CTNND2: variants seen among roughly 807,000 people sequenced by gnomAD.
CTNND2 encodes the protein catenin delta-2.
CTNND2 carries 22 observed loss-of-function variants against 144.4 expected under a neutral mutation model. The ratio of observed to expected loss-of-function variants is 0.15; its 90% CI spans 0.11 to 0.22. CTNND2 has a LOEUF of 0.22. Ranked by LOEUF, CTNND2 falls within the 10% of genes least tolerant of loss-of-function variation. The pLI, the probability that CTNND2 is intolerant of heterozygous loss-of-function variation, is 1.00. For synonymous variants in CTNND2, 751 were observed against 695.6 expected, an observed-to-expected ratio of 1.08 and a Z score of -1.25; for missense variants, 1,353 against 1,618.8, an observed-to-expected ratio of 0.84 and a Z score of 2.82.
chr5:11,468,310 A>C (rs948555181), intron 3 of CTNND2, among the ~76,000 whole-genome samples: 9 of 152,234 alleles, frequency 5.9e-5, no homozygotes, highest in African/African-American at 1.9e-4. Flanking sequence ...GCAAGAGGAC[A>C]AAAGTGACTT....
intron 2 of CTNND2, among the ~76,000 whole-genome samples, chr5:11,649,523 G>A (rs1028196682): frequency 6.6e-6 from 1 of 151,992 alleles, no homozygotes; most frequent in Non-Finnish European, 1.5e-5. Flanking sequence ...CACCATGTTG[G>A]CCAGGCTGGT....
intron 3 of CTNND2, among the ~76,000 whole-genome samples, chr5:11,448,823 C>A (rs746771085): frequency 1.3e-5 from 2 of 151,746 alleles, no homozygotes; most frequent in Non-Finnish European, 2.9e-5. Context: ...CGTGCACCAC[C>A]AGGCCTGGCT....
intron 9 of CTNND2, among the ~76,000 whole-genome samples, chr5:11,239,427 A>G (rs1741983041): frequency 6.6e-6 from 1 of 152,156 alleles, no homozygotes. Context: ...AAACCTCTGG[A>G]ATCCCAAGCA....
At chr5:11,376,322 G>GTGCGTGTGTGTGTGTGTTCATGTATC (rs60937559) in intron 7 of CTNND2, among the ~76,000 whole-genome samples, 30 of 146,080 alleles carry the variant, frequency 2.1e-4, no homozygotes, top group Admixed American at 3.4e-4. Flanking sequence ...TTGTGTGTGT[G>GTGCGTGTGTGTGTGTGTTCATGTATC]TGTGTGTGTG....
chr5:11,170,038 T>C (rs915747768), intron 11 of CTNND2, among the ~76,000 whole-genome samples: 5 of 152,210 alleles, frequency 3.3e-5, no homozygotes, highest in East Asian at 1.9e-4. Context: ...CCTGCATGTA[T>C]TAACTTGTGT....
chr5:10,996,892 C>T (rs867145590), intron 18 of CTNND2, among the ~76,000 whole-genome samples: 9 of 151,926 alleles, frequency 5.9e-5, no homozygotes, highest in South Asian at 2.1e-4. Context: ...CCACTGTGCC[C>T]GGCCAATTTT....
rs532700494 is a variant in CTNND2 at position 11,550,658 on chromosome 5, G to A, written c.287+14286C>T. Among the ~76,000 whole-genome samples, 7 of 152,314 alleles carry A rather than the reference G, an allele frequency of 4.6e-5. No homozygotes were observed. In the East Asian group the frequency reaches 7.7e-4, roughly 17 times the overall value. ...GAAGACTGGGACTTATGAATACAGCGTTACTGTCAACTAATTAGGCGACTT... is the reference window on the plus strand; with the variant it reads ...GAAGACTGGGACTTATGAATACAGCATTACTGTCAACTAATTAGGCGACTT... On this transcript the variant is annotated intron_variant, in intron 3 of 21. Coordinates refer to ENST00000304623, the MANE Select transcript of CTNND2 (RefSeq NM_001332.4).
chr5:11,498,490 C>G (rs1770206894), intron 3 of CTNND2, among the ~76,000 whole-genome samples: 1 of 152,134 alleles, frequency 6.6e-6, no homozygotes, highest in Non-Finnish European at 1.5e-5. Flanking sequence ...AACAATTATT[C>G]AGAATATTTT....
chr5:11,368,512 G>C (rs1030010127), intron 7 of CTNND2, among the ~76,000 whole-genome samples: 1 of 152,146 alleles, frequency 6.6e-6, no homozygotes, highest in Non-Finnish European at 1.5e-5. Flanking sequence ...AGGGACACAA[G>C]ACCTCAGACA....
intron 9 of CTNND2, among the ~76,000 whole-genome samples, chr5:11,258,542 A>T (rs1425917132): frequency 6.6e-6 from 1 of 152,216 alleles, no homozygotes; most frequent in Non-Finnish European, 1.5e-5. Context: ...TCATCACTTC[A>T]TCCTTATTAG....
intron 2 of CTNND2, among the ~76,000 whole-genome samples, chr5:11,585,821 C>A (rs376109540): frequency 6.6e-6 from 1 of 151,968 alleles, no homozygotes; most frequent in Non-Finnish European, 1.5e-5. Flanking sequence ...GGAGGTGAGG[C>A]GTGTGTATAC....
chr5:11,692,850 C>G (rs907419367), intron 2 of CTNND2, among the ~76,000 whole-genome samples: 1 of 152,230 alleles, frequency 6.6e-6, no homozygotes, highest in Admixed American at 6.5e-5. Context: ...GATCTGCCGG[C>G]CTCGGCCTCC....
intron 2 of CTNND2, among the ~76,000 whole-genome samples, chr5:11,580,622 C>A (rs949390274): frequency 6.6e-6 from 1 of 152,132 alleles, no homozygotes; most frequent in Non-Finnish European, 1.5e-5. Context: ...AGTTCATCAT[C>A]CTTCTCCTTC....
At chr5:11,740,291 A>G (rs1283072515) in intron 1 of CTNND2, among the ~76,000 whole-genome samples, 2 of 152,222 alleles carry the variant, frequency 1.3e-5, no homozygotes, top group Admixed American at 1.3e-4. Context: ...TTCAAACTAT[A>G]TTACAAGGCT....
chr5:11,402,759 G>A (rs754600579), intron 5 of CTNND2, among the ~76,000 whole-genome samples: 1 of 152,204 alleles, frequency 6.6e-6, no homozygotes, highest in Non-Finnish European at 1.5e-5. Flanking sequence ...GAGTTGACGG[G>A]CAGGTGTGTT....
At chr5:11,594,102 A>C (rs1054762349) in intron 2 of CTNND2, among the ~76,000 whole-genome samples, 2 of 152,250 alleles carry the variant, frequency 1.3e-5, no homozygotes, top group African/African-American at 4.8e-5. Flanking sequence ...TAAGCACACC[A>C]GAAGACATCT....
At chr5:11,310,732 C>A (rs1352361174) in intron 9 of CTNND2, among the ~76,000 whole-genome samples, 1 of 151,736 alleles carries the variant, frequency 6.6e-6, no homozygotes, top group Non-Finnish European at 1.5e-5. Flanking sequence ...AGACATTCAC[C>A]CTCACACACT....
intron 2 of CTNND2, among the ~76,000 whole-genome samples, chr5:11,711,470 G>T (rs1786031245): frequency 6.6e-6 from 1 of 151,868 alleles, no homozygotes; most frequent in Non-Finnish European, 1.5e-5. Context: ...GTACATTCAG[G>T]TTTCACTATT....
At chr5:11,259,940 C>T (rs931801480) in intron 9 of CTNND2, among the ~76,000 whole-genome samples, 7 of 152,160 alleles carry the variant, frequency 4.6e-5, no homozygotes, top group Admixed American at 1.3e-4. Flanking sequence ...GGGATAAACA[C>T]GTTTTAAGCC....
Sources: gnomAD v4.1 joint callset for allele counts (sites outside exome capture counted in the v4.1 genomes callset) on GRCh38, gnomAD v4.1.1 for gene constraint, MANE v1.5 for transcripts, NCBI Gene and HGNC (gene_info 2026-07-23, HGNC 2026-07-21) for gene names.